The following PDZD2 variants were observed in gnomAD, a reference collection of about 807,000 sequenced individuals.
PDZD2 encodes PDZ domain-containing protein 2.
In PDZD2, 90 loss-of-function variants were observed where a neutral mutation model predicts 220.7. The ratio of observed to expected loss-of-function variants is 0.41; its 90% CI spans 0.34 to 0.49. PDZD2 has a LOEUF of 0.49. PDZD2 is among the 20% of genes least tolerant of loss of function. PDZD2 has a pLI of 0.28. For missense variants in PDZD2, 3,174 were observed against 3,608.5 expected (o/e 0.88, Z 3.08); for synonymous variants, 1,375 against 1,450.5 (o/e 0.95, Z 1.18).
rs1749033397 is a variant in PDZD2 at position 31,724,938 on chromosome 5, CA to C, written c.-360-73948del. On this transcript the variant is annotated intron_variant, in intron 1 of 24. Transcript: ENST00000438447. ...TTATGGTCAACTAACATCTTTTCAC[CA>C]AATACTTCAAGCATAAAACATGAGA... Among the ~76,000 whole-genome samples, 6 of 152,084 alleles carry C rather than the reference CA, an allele frequency of 3.9e-5. No homozygotes were observed. In the South Asian group the frequency reaches 1.0e-3, roughly 26 times the overall value.
At chr5:31,825,569 C>G (rs781422208) in intron 2 of PDZD2, among the ~76,000 whole-genome samples, 1 of 152,200 alleles carries the variant, frequency 6.6e-6, no homozygotes, top group Non-Finnish European at 1.5e-5. Context: ...TCCTGGGACA[C>G]CGGGCTCTGG....
At chr5:31,856,407 C>T (rs1030907690) in intron 2 of PDZD2, among the ~76,000 whole-genome samples, 3 of 151,680 alleles carry the variant, frequency 2.0e-5, no homozygotes, top group Non-Finnish European at 2.9e-5. Context: ...GTTCTCAGAG[C>T]GGGCCACAAA....
intron 2 of PDZD2, among the ~76,000 whole-genome samples, chr5:31,947,563 G>C (rs1479177811): frequency 6.6e-6 from 1 of 152,172 alleles, no homozygotes; most frequent in African/African-American, 2.4e-5. Flanking sequence ...AGCCAGGTGT[G>C]GTGGCTCATT....
At chr5:31,782,554 C>T (rs193227448) in intron 1 of PDZD2, among the ~76,000 whole-genome samples, 1 of 151,996 alleles carries the variant, frequency 6.6e-6, no homozygotes, top group East Asian at 1.9e-4. Context: ...ACCAGTTACC[C>T]AAAACACTCA....
chr5:32,044,222 G>A (rs1315655051), intron 7 of PDZD2, among the ~76,000 whole-genome samples: 1 of 152,046 alleles, frequency 6.6e-6, no homozygotes, highest in Non-Finnish European at 1.5e-5. Flanking sequence ...GCAGCTACTC[G>A]GGAGGCTGAG....
At chr5:31,721,432 G>T (rs1748784018) in intron 1 of PDZD2, among the ~76,000 whole-genome samples, 1 of 151,854 alleles carries the variant, frequency 6.6e-6, no homozygotes, top group Non-Finnish European at 1.5e-5. Flanking sequence ...TGTCCTAACA[G>T]GTTAGGGCTT....
intron 1 of PDZD2, among the ~76,000 whole-genome samples, chr5:31,709,402 G>T (rs1049092863): frequency 3.3e-5 from 5 of 151,954 alleles, no homozygotes; most frequent in Non-Finnish European, 5.9e-5. Flanking sequence ...CAGGAGGATA[G>T]TTTGAGCCCA....
At position 31,872,537 on chromosome 5, in the gene PDZD2, A is replaced by G. The variant is rs1296506516; in HGVS notation, c.476+72813A>G. Among the ~76,000 whole-genome samples the G allele has an allele frequency of 5.7e-5, 4 of 70,554 alleles. No individual in the cohort carries two copies. The East Asian group carries it at 1.2e-3, about 22-fold the overall frequency. 46.3% of individuals were successfully genotyped at this position (70,554 alleles called of 152,430 possible). ...TACACTTTCCTTGAAAACAAACACA[A>G]TATATGTTTAGACCCACTGTGTCTA... On this transcript the variant is annotated intron_variant, in intron 2 of 24. Coordinates refer to ENST00000438447, the MANE Select transcript of PDZD2 (RefSeq NM_178140.4).
At chr5:31,794,225 G>A (rs561025837) in intron 1 of PDZD2, among the ~76,000 whole-genome samples, 23 of 152,100 alleles carry the variant, frequency 1.5e-4, no homozygotes, top group South Asian at 1.2e-3. Context: ...ACCATCTGAC[G>A]TCATAGTGTT....
Position 32,071,464 on chromosome 5 carries a change from A to G in PDZD2, c.2568+46A>G, listed in dbSNP as rs1192586272. On this transcript the variant is annotated intron_variant, in intron 16 of 24. Transcript: ENST00000438447. ...ACCTGCCTCCCTCAGCTGGACCACA[A>G]ACTAATTCCTGGAGCCCACAAGTCA... 3 of 1,489,662 alleles carry G rather than the reference A, an allele frequency of 2.0e-6. No individual in the cohort carries two copies. The East Asian group carries it at 6.8e-5, about 34-fold the overall frequency. 92.3% of individuals were successfully genotyped at this position (1,489,662 alleles called of 1,614,324 possible).
chr5:31,912,840 C>T (rs1173216680), intron 2 of PDZD2, among the ~76,000 whole-genome samples: 4 of 152,178 alleles, frequency 2.6e-5, no homozygotes, highest in Non-Finnish European at 4.4e-5. Context: ...AGGAACATAA[C>T]CTTCCATTCC....
At chr5:31,813,220 G>A (rs577704730) in intron 2 of PDZD2, among the ~76,000 whole-genome samples, 35 of 152,238 alleles carry the variant, frequency 2.3e-4, no homozygotes, top group African/African-American at 8.4e-4. Context: ...GGAGGCCAAG[G>A]CAGGTGGATC....
intron 1 of PDZD2, among the ~76,000 whole-genome samples, chr5:31,727,697 A>G (rs769664539): frequency 1.6e-4 from 16 of 99,544 alleles, no homozygotes; most frequent in Admixed American, 3.8e-4. Flanking sequence ...GCAAAGCTCA[A>G]TCTCAAAAAA....
intron 1 of PDZD2, among the ~76,000 whole-genome samples, chr5:31,678,563 G>T (rs1746533792): frequency 6.6e-6 from 1 of 152,114 alleles, no homozygotes; most frequent in Non-Finnish European, 1.5e-5. Flanking sequence ...AGTCTCTAGG[G>T]TGATTCATCA....
intron 2 of PDZD2, among the ~76,000 whole-genome samples, chr5:31,812,938 A>C (rs1755209717): frequency 6.6e-6 from 1 of 152,190 alleles, no homozygotes; most frequent in African/African-American, 2.4e-5. Context: ...CTGGGTTAAC[A>C]CTTTTCTTCC....
chr5:31,655,474 T>G (rs1354571989), intron 1 of PDZD2, among the ~76,000 whole-genome samples: 1 of 152,132 alleles, frequency 6.6e-6, no homozygotes, highest in Admixed American at 6.5e-5. Flanking sequence ...CCCGGCCTAG[T>G]TTTTTAATAT....
At chr5:31,776,687 C>T (rs934678802) in intron 1 of PDZD2, among the ~76,000 whole-genome samples, 16 of 150,454 alleles carry the variant, frequency 1.1e-4, no homozygotes, top group South Asian at 1.1e-3. Flanking sequence ...CTTGCTCTGT[C>T]GCCCAGGCTG....
intron 2 of PDZD2, chr5:31,840,978 G>T (rs556571238): frequency 2.1e-4 from 91 of 425,272 alleles, no homozygotes; most frequent in Admixed American, 3.4e-4. Context: ...TCATTTTGGC[G>T]AATTACTGGA....
chr5:31,743,008 T>A (rs1007724263), intron 1 of PDZD2, among the ~76,000 whole-genome samples: 2 of 152,194 alleles, frequency 1.3e-5, no homozygotes, highest in Non-Finnish European at 2.9e-5. Context: ...TTCCAAATAT[T>A]CTTTCTGATT....
Sources: allele counts gnomAD v4.1 joint callset (sites outside exome capture counted in the v4.1 genomes callset), GRCh38; gene constraint gnomAD v4.1.1; transcripts MANE v1.5; gene names NCBI Gene and HGNC (gene_info 2026-07-23, HGNC 2026-07-21).